Variants in NPR3 observed in about 807,000 individuals in gnomAD.
NPR3 encodes the protein atrial natriuretic peptide receptor 3.
NPR3 carries 34 observed loss-of-function variants against 54.5 expected under a neutral mutation model. That is an observed-to-expected ratio of 0.62 (90% CI 0.47 to 0.83). NPR3 has a LOEUF of 0.83. NPR3 is among the 40% of genes least tolerant of loss of function. NPR3 has a pLI of 0.00. For missense variants in NPR3, 674 were observed against 720.8 expected, an observed-to-expected ratio of 0.94 and a Z score of 0.74; for synonymous variants, 289 against 297.1, an observed-to-expected ratio of 0.97 and a Z score of 0.28.
Position 32,712,240 on chromosome 5 carries a change from T to C in NPR3, c.464T>C (p.Leu155Pro). The change falls in exon 1 of 8, where the codon CTG (leucine) becomes CCG (proline). Residue 155 changes from leucine to proline, a missense_variant. Physicochemically the swap from Leu to Pro is moderately conservative, Grantham distance 98. Transcript: ENST00000265074. The stretch of plus-strand genomic sequence containing the variant: ...GCATCGCACTGGGACCTGCCCATGC[T>C]GTCGGCTGGGGCGCTGGCCGCTGGC... The part of the protein sequence containing the change: ...RLASHWDLPM[L>P]SAGALAAGFQ... 1 of 1,612,758 alleles carries C rather than the reference T, an allele frequency of 6.2e-7. No individual in the cohort carries two copies. Among genetic ancestry groups the C allele is most frequent in the African/African-American group, 1.3e-5 (1 of 75,072 alleles).
intron 3 of NPR3, among the ~76,000 whole-genome samples, chr5:32,744,117 C>A (rs1337729397): frequency 6.6e-6 from 1 of 151,736 alleles, no homozygotes; most frequent in East Asian, 1.9e-4. Context: ...CTCAGCCTCC[C>A]AAGTAGCTGA....
rs149111596 is a variant in NPR3 at position 32,777,549 on chromosome 5, T to C, written c.1195+2706T>C. On this transcript the variant is annotated intron_variant, in intron 4 of 7. Transcript: ENST00000265074. ...AATGGCAGGAGCAAATATTGACAAGTTTAGATTTGGGGCTCATATTTTTTC... is the reference window on the plus strand; with the variant it reads ...AATGGCAGGAGCAAATATTGACAAGCTTAGATTTGGGGCTCATATTTTTTC... Among the ~76,000 whole-genome samples the C allele has an allele frequency of 3.2e-3, 492 of 152,280 alleles. 2 individuals carry two copies. Among genetic ancestry groups the C allele is most frequent in the African/African-American group, 0.011 (463 of 41,562 alleles).
At chr5:32,708,456 A>T (rs141133721), upstream of NPR3, among the ~76,000 whole-genome samples, 732 of 152,084 alleles carry the variant, frequency 4.8e-3, 3 homozygotes, top group African/African-American at 0.016. Context: ...TATATATATA[A>T]AAATTTGATA....
intron 3 of NPR3, among the ~76,000 whole-genome samples, chr5:32,771,508 G>C (rs765379886): frequency 6.6e-6 from 1 of 152,068 alleles, no homozygotes; most frequent in African/African-American, 2.4e-5. Flanking sequence ...GGATTGTAGC[G>C]GGGGCAGCTC....
intron 2 of NPR3, 33 bp downstream of exon 2, chr5:32,724,853 A>C: frequency 6.2e-7 from 1 of 1,612,772 alleles, no homozygotes; most frequent in Non-Finnish European, 8.5e-7. Context: ...CTCCTCTGCT[A>C]GGGTTCCAAG....
chr5:32,698,063 T>C lies in NPR3; in HGVS notation c.100+8877T>C, dbSNP rs376119550. Among the ~76,000 whole-genome samples, 56 of 152,208 alleles carry C rather than the reference T, an allele frequency of 3.7e-4. No homozygotes were observed. The East Asian group carries it at 8.5e-3, about 23-fold the overall frequency. ...ATTTTCTCTTCCTTTTCTAGTTCTT[T>C]AAGATACATCATTAGGTTGTTTAAT... On this transcript the variant is annotated intron_variant, in intron 1 of 5. Coordinates refer to the NPR3 transcript ENST00000509104.
At chr5:32,733,538 T>G (rs778350791) in intron 2 of NPR3, among the ~76,000 whole-genome samples, 1 of 152,150 alleles carries the variant, frequency 6.6e-6, no homozygotes, top group Non-Finnish European at 1.5e-5. Context: ...TCCTGAGAAC[T>G]CAGAGAGCAC....
chr5:32,721,764 G>C (rs1238471798), intron 1 of NPR3, among the ~76,000 whole-genome samples: 1 of 152,190 alleles, frequency 6.6e-6, no homozygotes, highest in African/African-American at 2.4e-5. Context: ...ATGACAAAAT[G>C]CCACAGACTG....
intron 2 of NPR3, among the ~76,000 whole-genome samples, chr5:32,735,853 G>A (rs6884840): frequency 0.01 from 1,525 of 152,290 alleles, 31 homozygotes; most frequent in African/African-American, 0.035. Flanking sequence ...AGAAGTCGTA[G>A]TATCAGTTAT....
intron 1 of NPR3, chr5:32,713,139 T>G: frequency 1.3e-5 from 13 of 983,682 alleles, no homozygotes; most frequent in Non-Finnish European, 1.4e-5. Context: ...ATAAACGAGC[T>G]TCTGTGGTTT....
chr5:32,779,360 A>G (rs1471704203), intron 4 of NPR3, among the ~76,000 whole-genome samples: 2 of 152,232 alleles, frequency 1.3e-5, no homozygotes, highest in African/African-American at 4.8e-5. Flanking sequence ...TATTTAGTGA[A>G]TGAAAATTAT....
rs1199076591 is a variant in NPR3, at chr5:32,716,448, G to T, written c.769+3903G>T. ...TCTCTTCTTGATCATTCTACTGCCT[G>T]TTAACCACACATGCAAGCTTTCTTT... On this transcript the variant is annotated intron_variant, in intron 1 of 7. Coordinates refer to ENST00000265074, the MANE Select transcript of NPR3 (RefSeq NM_001204375.2). The T allele has an allele frequency of 1.1e-5, 5 of 453,028 alleles. No homozygotes were observed. The Admixed American group carries it at 1.2e-4, about 11-fold the overall frequency. 28.1% of individuals were successfully genotyped at this position (453,028 alleles called of 1,614,324 possible).
Position 32,750,335 on chromosome 5 carries a change from C to T in NPR3, c.1059+11305C>T, listed in dbSNP as rs1740513614. On this transcript the variant is annotated intron_variant, in intron 3 of 7. Transcript: ENST00000265074. Reference sequence around the variant, plus strand: ...ATTTTTAGTAGAGACAGGGTTTCACCATGTCGGTCAGGCTTGTCTCCAACT... The same window carrying T: ...ATTTTTAGTAGAGACAGGGTTTCACTATGTCGGTCAGGCTTGTCTCCAACT... Among the ~76,000 whole-genome samples the T allele has an allele frequency of 2.6e-5, 4 of 152,104 alleles. No individual in the cohort carries two copies. In the South Asian group the frequency reaches 6.2e-4, roughly 24 times the overall value.
At chr5:32,728,829 GTGTGTGTGTATA>G (rs1458446651) in intron 2 of NPR3, among the ~76,000 whole-genome samples, 71 of 76,184 alleles carry the variant, frequency 9.3e-4, no homozygotes, top group African/African-American at 1.4e-3. Context: ...GTGTGTGTGT[GTGTGTGTGTATA>G]TATATATATA....
rs1419293585 is a variant in NPR3 at position 32,724,727 on chromosome 5, A to C, written c.799A>C (p.Ile267Leu). ...GATCATGTGTGCGAGCAGTGACACC[A>C]TCCGGAGCATCATGCTGGTGGCGCA... ...VVIMCASSDTIRSIMLVAHRH... is the reference protein window; with the variant it reads ...VVIMCASSDTLRSIMLVAHRH... The change falls in exon 2 of 8, where the codon ATC becomes CTC. Residue 267 changes from isoleucine to leucine, a missense_variant. Transcript: ENST00000265074. 3.7e-6 allele frequency: 6 copies of C among 1,613,968 alleles called. No individual in the cohort carries two copies. In the Admixed American group the frequency reaches 1.0e-4, roughly 27 times the overall value.
intron 1 of NPR3, among the ~76,000 whole-genome samples, chr5:32,700,291 G>A (rs1326609573): frequency 6.6e-6 from 1 of 152,156 alleles, no homozygotes; most frequent in African/African-American, 2.4e-5. Flanking sequence ...TTTCTGCTGC[G>A]TCACTCTCTC....
chr5:32,761,421 G>A (rs1390744708), intron 3 of NPR3, among the ~76,000 whole-genome samples: 1 of 151,890 alleles, frequency 6.6e-6, no homozygotes, highest in Non-Finnish European at 1.5e-5. Flanking sequence ...ATAATTTTTT[G>A]TCTTTTGCTG....
chr5:32,726,113 G>A (rs2111897314), intron 2 of NPR3, among the ~76,000 whole-genome samples: 1 of 152,324 alleles, frequency 6.6e-6, no homozygotes, highest in East Asian at 1.9e-4. Context: ...GAGCGGAGCA[G>A]TTGTAGGGGA....
chr5:32,725,362 T>A (rs1465552814), intron 2 of NPR3, among the ~76,000 whole-genome samples: 1 of 152,228 alleles, frequency 6.6e-6, no homozygotes, highest in Non-Finnish European at 1.5e-5. Flanking sequence ...AATTTGTGAC[T>A]CTGAACACTC....
Sources: allele counts gnomAD v4.1 joint callset (sites outside exome capture counted in the v4.1 genomes callset), GRCh38; gene constraint gnomAD v4.1.1; transcripts MANE v1.5; gene names NCBI Gene and HGNC (gene_info 2026-07-23, HGNC 2026-07-21).